Variants in RAPGEF6 observed in about 807,000 individuals in gnomAD.
RAPGEF6 encodes PDZ domain containing guanine nucleotide exchange factor (GEF) 2.
RAPGEF6 carries 56 observed loss-of-function variants against 171.4 expected under a neutral mutation model. The ratio of observed to expected loss-of-function variants is 0.33; its 90% CI spans 0.26 to 0.41. The LOEUF (loss-of-function observed/expected upper bound fraction) is 0.41, where lower values mean the gene tolerates loss of function less well. Among genes scored for constraint, RAPGEF6 ranks in the 10% least tolerant of loss-of-function variants. RAPGEF6 has a pLI of 1.00. For synonymous variants in RAPGEF6, 692 were observed against 650.1 expected (o/e 1.06, Z -0.98); for missense variants, 1,674 against 1,921.4 (o/e 0.87, Z 2.41).
chr5:131,554,136 T>TA (rs1761088219), intron 5 of RAPGEF6, among the ~76,000 whole-genome samples: 1 of 151,964 alleles, frequency 6.6e-6, no homozygotes, highest in Non-Finnish European at 1.5e-5. Flanking sequence ...ACGATGAATG[T>TA]AAAAAAATAG....
intron 17 of RAPGEF6, chr5:131,472,360 T>C (rs1055674327): frequency 3.5e-6 from 2 of 576,312 alleles, no homozygotes; most frequent in Non-Finnish European, 6.3e-6. Flanking sequence ...CGTGAGCCAC[T>C]GCGCCTGGCC....
chr5:131,513,949 G>A (rs1197277454), intron 7 of RAPGEF6, among the ~76,000 whole-genome samples: 1 of 152,092 alleles, frequency 6.6e-6, no homozygotes, highest in Non-Finnish European at 1.5e-5. Flanking sequence ...GATTGCTTAA[G>A]CCTTGGAGGC....
intron 4 of RAPGEF6, among the ~76,000 whole-genome samples, chr5:131,567,185 C>CT (rs1561568687): frequency 6.6e-6 from 1 of 150,738 alleles, no homozygotes; most frequent in South Asian, 2.1e-4. Context: ...AAATTTGTAT[C>CT]TTTTTTTTCA....
chr5:131,533,395 G>A (rs946752748), intron 6 of RAPGEF6, among the ~76,000 whole-genome samples: 1 of 151,932 alleles, frequency 6.6e-6, no homozygotes, highest in Non-Finnish European at 1.5e-5. Context: ...ATACAGTATT[G>A]TCCTCCCAAG....
rs1344704932 is a variant in RAPGEF6, at chr5:131,635,166, A to G, written c.-136T>C. The G allele has an allele frequency of 3.3e-6, 3 of 912,642 alleles. No individual in the cohort carries two copies. The African/African-American group carries it at 5.1e-5, about 15-fold the overall frequency. 56.5% of individuals were successfully genotyped at this position (912,642 alleles called of 1,614,324 possible). A position where few individuals can be genotyped will look rare whatever the true frequency, so the allele number is the denominator to read the frequency against. On this transcript the variant is annotated 5_prime_UTR_variant, in exon 1 of 28. Coordinates refer to ENST00000509018, the MANE Select transcript of RAPGEF6 (RefSeq NM_016340.6). ...GCCGTAACAAGGTCCGAACTCTAGC[A>G]AACAACCCTTCGCAACGCCCGCCTA...
At chr5:131,600,127 A>T (rs542182311) in intron 3 of RAPGEF6, among the ~76,000 whole-genome samples, 3 of 152,266 alleles carry the variant, frequency 2.0e-5, no homozygotes, top group African/African-American at 7.2e-5. Context: ...TGAATGCAAC[A>T]GATATGACAA....
chr5:131,580,333 G>A (rs1053146340), intron 4 of RAPGEF6, among the ~76,000 whole-genome samples: 3 of 152,102 alleles, frequency 2.0e-5, no homozygotes, highest in Non-Finnish European at 2.9e-5. Context: ...CCGAGTGTGG[G>A]GCCCACCAAG....
intron 4 of RAPGEF6, among the ~76,000 whole-genome samples, chr5:131,569,847 C>A (rs536387898): frequency 6.6e-6 from 1 of 152,000 alleles, no homozygotes; most frequent in East Asian, 1.9e-4. Context: ...TTGAGGCCAG[C>A]CTGGCCAACG....
At chr5:131,487,275 G>A (rs1188417853) in intron 15 of RAPGEF6, among the ~76,000 whole-genome samples, 1 of 152,226 alleles carries the variant, frequency 6.6e-6, no homozygotes, top group African/African-American at 2.4e-5. Context: ...GTGAGCAGCA[G>A]CAAGATTTAT....
At chr5:131,435,151 ATC>A (rs1481111475) in intron 24 of RAPGEF6, among the ~76,000 whole-genome samples, 1 of 152,192 alleles carries the variant, frequency 6.6e-6, no homozygotes, top group Non-Finnish European at 1.5e-5. Flanking sequence ...TTGCACAGTA[ATC>A]TTATTAAGTC....
In RAPGEF6 at chr5:131,429,661, A is replaced by C. The variant is rs1018035151; in HGVS notation, c.4466-445T>G. 7.2e-5 allele frequency among the ~76,000 whole-genome samples: 11 copies of C among 152,322 alleles called. No homozygotes were observed. The South Asian group carries it at 2.3e-3, about 32-fold the overall frequency. Reference sequence around the variant, plus strand: ...AGGGCTGTTTCACCTTCTCTCTGAGACATGAACCAATGTTTTCTGGCACTC... The same window carrying C: ...AGGGCTGTTTCACCTTCTCTCTGAGCCATGAACCAATGTTTTCTGGCACTC... On this transcript the variant is annotated intron_variant, in intron 26 of 27. Transcript: ENST00000509018.
chr5:131,557,971 A>G (rs900380031), intron 5 of RAPGEF6, among the ~76,000 whole-genome samples: 1 of 152,184 alleles, frequency 6.6e-6, no homozygotes, highest in Non-Finnish European at 1.5e-5. Flanking sequence ...CTGCTTTTGT[A>G]TAATGCCCTT....
At position 131,473,789 on chromosome 5, in the gene RAPGEF6, AT is replaced by A. The variant is rs760139533; in HGVS notation, c.2082-1046del. 3.3e-4 allele frequency among the ~76,000 whole-genome samples: 50 copies of A among 152,222 alleles called. 1 individual carries two copies. The highest frequency in any genetic ancestry group is 3.3e-3 in the Admixed American group (50 of 15,268). ...AATTACACTAGATGTAAAATATAGG[AT>A]TTTACGTAGATTAGAAAACTATGCA... On this transcript the variant is annotated intron_variant, in intron 16 of 27. Transcript: ENST00000509018.
chr5:131,481,234 T>C (rs538628244), intron 15 of RAPGEF6, among the ~76,000 whole-genome samples: 181 of 150,458 alleles, frequency 1.2e-3, no homozygotes, highest in African/African-American at 4.3e-3. Flanking sequence ...CCTTTTTTTT[T>C]CCTTTTTTTG....
intron 4 of RAPGEF6, among the ~76,000 whole-genome samples, chr5:131,568,542 C>T (rs1051815965): frequency 2.0e-5 from 3 of 152,158 alleles, no homozygotes; most frequent in Admixed American, 1.3e-4. Context: ...AGATCTCAAA[C>T]TCCTGGCCTC....
chr5:131,598,597 T>C (rs764980410), intron 3 of RAPGEF6, among the ~76,000 whole-genome samples: 2 of 152,134 alleles, frequency 1.3e-5, no homozygotes, highest in African/African-American at 2.4e-5. Context: ...ACAAGAACAC[T>C]GATTACTGAG....
chr5:131,493,361 A>G (rs1197986589), intron 13 of RAPGEF6, among the ~76,000 whole-genome samples: 1 of 151,866 alleles, frequency 6.6e-6, no homozygotes, highest in Non-Finnish European at 1.5e-5. Context: ...ACCGCGCCCG[A>G]CCTACTTATC....
intron 16 of RAPGEF6, among the ~76,000 whole-genome samples, chr5:131,474,030 C>T (rs1366618836): frequency 6.6e-6 from 1 of 152,186 alleles, no homozygotes; most frequent in African/African-American, 2.4e-5. Flanking sequence ...TCTTTATAAA[C>T]TTTGGTTTTC....
intron 20 of RAPGEF6, among the ~76,000 whole-genome samples, chr5:131,455,132 A>G (rs74368622): frequency 6.6e-6 from 1 of 152,372 alleles, no homozygotes; most frequent in East Asian, 1.9e-4. Flanking sequence ...AAGAATGAAT[A>G]AAAAATAGTA....
Sources: gnomAD v4.1 joint callset for allele counts (sites outside exome capture counted in the v4.1 genomes callset) on GRCh38, gnomAD v4.1.1 for gene constraint, MANE v1.5 for transcripts, NCBI Gene and HGNC (gene_info 2026-07-23, HGNC 2026-07-21) for gene names.